The following NRXN3 variants were observed in gnomAD, a reference collection of about 807,000 sequenced individuals.
NRXN3 encodes the protein neurexin III.
In NRXN3, 32 loss-of-function variants were observed where a neutral mutation model predicts 137.6. The observed-to-expected ratio is 0.23, with a 90% CI of 0.18 to 0.31. The LOEUF is 0.31. Among genes scored for constraint, NRXN3 ranks in the 10% least tolerant of loss-of-function variants. The pLI is 1.00. For synonymous variants in NRXN3, 798 were observed against 784.5 expected, an observed-to-expected ratio of 1.02 and a Z score of -0.29; for missense variants, 1,574 against 2,062.5, an observed-to-expected ratio of 0.76 and a Z score of 4.59.
chr14:78,697,629 A>G (rs1479775851), intron 6 of NRXN3, among the ~76,000 whole-genome samples: 1 of 152,040 alleles, frequency 6.6e-6, no homozygotes, highest in Non-Finnish European at 1.5e-5. Context: ...ATTAGGGCCT[A>G]TATACCATCA....
intron 15 of NRXN3, among the ~76,000 whole-genome samples, chr14:79,449,680 G>C (rs1034873873): frequency 3.3e-5 from 5 of 152,160 alleles, no homozygotes; most frequent in Admixed American, 6.5e-5. Context: ...TGTAAATACT[G>C]ATGTAACAGA....
At chr14:78,944,725 C>G (rs540526198) in intron 10 of NRXN3, among the ~76,000 whole-genome samples, 2 of 152,166 alleles carry the variant, frequency 1.3e-5, no homozygotes, top group African/African-American at 2.4e-5. Flanking sequence ...CTGCTCACAA[C>G]TTGATTTTAG....
chr14:79,831,135 T>C (rs965022896), intron 20 of NRXN3, among the ~76,000 whole-genome samples: 5 of 151,952 alleles, frequency 3.3e-5, no homozygotes, highest in Admixed American at 2.0e-4. Flanking sequence ...CAGTAGGAAA[T>C]TGGGGGTGAT....
At chr14:78,740,881 G>A (rs539365958) in intron 8 of NRXN3, among the ~76,000 whole-genome samples, 312 of 152,032 alleles carry the variant, frequency 2.1e-3, no homozygotes, top group African/African-American at 6.8e-3. Flanking sequence ...TATGTTTTCA[G>A]TAAACATATA....
At chr14:79,140,614 G>A (rs1166319829) in intron 15 of NRXN3, among the ~76,000 whole-genome samples, 2 of 110,192 alleles carry the variant, frequency 1.8e-5, no homozygotes, top group Non-Finnish European at 3.8e-5. Flanking sequence ...TGTGTGTGAA[G>A]TTAAATGATC....
At chr14:78,883,217 A>G (rs2099134372) in intron 10 of NRXN3, among the ~76,000 whole-genome samples, 1 of 152,166 alleles carries the variant, frequency 6.6e-6, no homozygotes, top group Non-Finnish European at 1.5e-5. Flanking sequence ...TATAAGCCTT[A>G]TTATTCTCAT....
At chr14:78,973,292 T>C (rs1317297480) in intron 14 of NRXN3, among the ~76,000 whole-genome samples, 1 of 152,022 alleles carries the variant, frequency 6.6e-6, no homozygotes, top group Non-Finnish European at 1.5e-5. Flanking sequence ...AAAAAAGAAC[T>C]TGGAAGGAAA....
At chr14:78,409,239 G>A (rs181171200) in intron 4 of NRXN3, among the ~76,000 whole-genome samples, 1 of 152,300 alleles carries the variant, frequency 6.6e-6, no homozygotes, top group African/African-American at 2.4e-5. Flanking sequence ...GTTTCTATAT[G>A]CTAGGTACCA....
intron 19 of NRXN3, among the ~76,000 whole-genome samples, chr14:79,739,676 A>AAG (rs1555678933): frequency 6.7e-6 from 1 of 148,804 alleles, no homozygotes; most frequent in Non-Finnish European, 1.5e-5. Flanking sequence ...AAAAAAAAAA[A>AAG]AGAACCCAGG....
intron 15 of NRXN3, among the ~76,000 whole-genome samples, chr14:79,395,670 G>A (rs900472294): frequency 6.6e-6 from 1 of 152,174 alleles, no homozygotes; most frequent in East Asian, 1.9e-4. Context: ...TTAGCCAGGC[G>A]TGGTGGTGGG....
chr14:78,174,158 G>C (rs998209211), intron 1 of NRXN3, among the ~76,000 whole-genome samples: 4 of 152,152 alleles, frequency 2.6e-5, no homozygotes, highest in Admixed American at 2.0e-4. Context: ...TAAGCACCCA[G>C]TGATAATGAT....
intron 15 of NRXN3, among the ~76,000 whole-genome samples, chr14:79,244,948 G>T (rs1164903494): frequency 6.6e-6 from 1 of 152,144 alleles, no homozygotes; most frequent in Admixed American, 6.6e-5. Context: ...GGTTTCAACT[G>T]TCGAGTCTAA....
chr14:78,831,545 A>G (rs2098982142), intron 10 of NRXN3, among the ~76,000 whole-genome samples: 1 of 150,668 alleles, frequency 6.6e-6, no homozygotes, highest in African/African-American at 2.4e-5. Context: ...AAAAAAAAAA[A>G]AAAAAAAAAA....
chr14:78,213,598 A>T (rs2062957840), intron 1 of NRXN3, among the ~76,000 whole-genome samples: 1 of 152,104 alleles, frequency 6.6e-6, no homozygotes, highest in African/African-American at 2.4e-5. Flanking sequence ...TGGCATGAGT[A>T]CTCCAATGTG....
At chr14:78,603,687 A>G (rs566624904) in intron 4 of NRXN3, among the ~76,000 whole-genome samples, 10 of 152,164 alleles carry the variant, frequency 6.6e-5, no homozygotes, top group Non-Finnish European at 1.0e-4. Flanking sequence ...GTGGGCTGTG[A>G]TTAATAAATA....
At chr14:79,571,077 C>T (rs544192315) in intron 16 of NRXN3, among the ~76,000 whole-genome samples, 1 of 152,122 alleles carries the variant, frequency 6.6e-6, no homozygotes, top group Non-Finnish European at 1.5e-5. Context: ...TATGACAATC[C>T]TCATTTAAAC....
chr14:79,308,083 T>C (rs2086435933), intron 15 of NRXN3, among the ~76,000 whole-genome samples: 2 of 152,124 alleles, frequency 1.3e-5, no homozygotes, highest in Non-Finnish European at 2.9e-5. Flanking sequence ...TAGTCATGAT[T>C]GAGGCTCATG....
rs550694712 is a variant in NRXN3, at chr14:78,948,539, C to G, written c.2276-8703C>G. On this transcript the variant is annotated intron_variant, in intron 10 of 20. Coordinates refer to ENST00000335750, the MANE Select transcript of NRXN3 (RefSeq NM_001330195.2). Reference sequence around the variant, plus strand: ...TGACATTGGCTGAGGGAATATGATGCCAGGCGGCACGTGATGCAGGGTCTG... The same window carrying G: ...TGACATTGGCTGAGGGAATATGATGGCAGGCGGCACGTGATGCAGGGTCTG... 1.1e-4 allele frequency among the ~76,000 whole-genome samples: 17 copies of G among 152,124 alleles called. No homozygotes were observed. In the East Asian group the frequency reaches 3.3e-3, roughly 29 times the overall value.
Position 78,651,547 on chromosome 14 carries a change from T to A in NRXN3, c.1221+221T>A, listed in dbSNP as rs1306079468. Among the ~76,000 whole-genome samples, 6 of 152,198 alleles carry A rather than the reference T, an allele frequency of 3.9e-5. No individual in the cohort carries two copies. In the East Asian group the frequency reaches 1.2e-3, roughly 29 times the overall value. Reference sequence around the variant, plus strand: ...CACTTTAGTACTGTATTAGTCTGTTTGCATGCTGCTGATAAAGACATACCC... The same window carrying A: ...CACTTTAGTACTGTATTAGTCTGTTAGCATGCTGCTGATAAAGACATACCC... On this transcript the variant is annotated intron_variant, in intron 6 of 20. Coordinates refer to ENST00000335750, the MANE Select transcript of NRXN3 (RefSeq NM_001330195.2).
Sources: allele counts gnomAD v4.1 joint callset (sites outside exome capture counted in the v4.1 genomes callset), GRCh38; gene constraint gnomAD v4.1.1; transcripts MANE v1.5; gene names NCBI Gene and HGNC (gene_info 2026-07-23, HGNC 2026-07-21).